Variants in CLCN3 observed in about 807,000 individuals in gnomAD.
CLCN3 encodes the protein Cl-/H+ antiporter 3.
CLCN3 carries 16 observed loss-of-function variants against 83.4 expected under a neutral mutation model. The ratio of observed to expected loss-of-function variants is 0.19; its 90% confidence interval spans 0.13 to 0.29. The LOEUF is 0.29. Ranked by LOEUF, CLCN3 falls within the 10% of genes least tolerant of loss-of-function variation. The pLI, the probability that CLCN3 is intolerant of heterozygous loss-of-function variation, is 1.00. For missense variants in CLCN3, 544 were observed against 1,006.0 expected, an observed-to-expected ratio of 0.54 and a Z score of 6.21; for synonymous variants, 322 against 346.2, an observed-to-expected ratio of 0.93 and a Z score of 0.78.
Position 169,620,934 on chromosome 4 carries a change from A to C in CLCN3, c.-146A>C, listed in dbSNP as rs140027938. ...CGTCAGGTATCTTTTAAATCGCGATAGTTTTCGCTGTGTCAGGCTTTCTTC... is the reference window on the plus strand; with the variant it reads ...CGTCAGGTATCTTTTAAATCGCGATCGTTTTCGCTGTGTCAGGCTTTCTTC... On this transcript the variant is annotated 5_prime_UTR_variant, in exon 1 of 13. An upstream open reading frame in the 5' UTR loses its in-frame stop. Transcript: ENST00000513761. 4.8e-5 allele frequency: 19 copies of C among 398,384 alleles called. No individual in the cohort carries two copies. The highest frequency in any genetic ancestry group is 4.6e-4 in the East Asian group (13 of 28,058). The allele number at this position is 398,384 out of a possible 1,614,324, so 24.7% of individuals were successfully genotyped here.
intron 2 of CLCN3, among the ~76,000 whole-genome samples, chr4:169,679,314 C>T (rs1220417785): frequency 6.6e-6 from 1 of 151,760 alleles, no homozygotes; most frequent in Non-Finnish European, 1.5e-5. Context: ...AGAGACGCTC[C>T]TCACTTCCTA....
chr4:169,659,450 A>G (rs1048944802), intron 2 of CLCN3, among the ~76,000 whole-genome samples: 4 of 152,208 alleles, frequency 2.6e-5, no homozygotes, highest in Non-Finnish European at 4.4e-5. Flanking sequence ...CAAAACCCTT[A>G]TGAGATAAAA....
At chr4:169,621,732 T>G (rs149850163) in intron 1 of CLCN3, among the ~76,000 whole-genome samples, 21 of 152,340 alleles carry the variant, frequency 1.4e-4, no homozygotes, top group African/African-American at 4.6e-4. Context: ...GCAGCATCAT[T>G]GTGGCTTGTA....
Position 169,707,282 on chromosome 4 carries a change from T to A in CLCN3, c.2149+16T>A, listed in dbSNP as rs551458852. The A allele has an allele frequency of 1.4e-4, 208 of 1,529,186 alleles. No individual in the cohort carries two copies. The Admixed American group carries it at 1.5e-3, about 11-fold the overall frequency. The allele number at this position is 1,529,186 out of a possible 1,614,324, so 94.7% of individuals were successfully genotyped here. On this transcript the variant is annotated intron_variant, in intron 11 of 12. Coordinates refer to ENST00000513761, the MANE Select transcript of CLCN3 (RefSeq NM_001829.4). ...ATTGCAATAGGTACCCTTTCAAAAATATATATATGTATATATGAGATGGAT... is the reference window on the plus strand; with the variant it reads ...ATTGCAATAGGTACCCTTTCAAAAAAATATATATGTATATATGAGATGGAT...
At chr4:169,672,330 G>C (rs1427247580) in intron 2 of CLCN3, among the ~76,000 whole-genome samples, 2 of 151,994 alleles carry the variant, frequency 1.3e-5, no homozygotes, top group East Asian at 3.9e-4. Flanking sequence ...AATGAAGTCG[G>C]GGATTCACCA....
Position 169,690,649 on chromosome 4 carries a change from A to G in CLCN3, c.726A>G (p.Pro242=). 2 of 1,611,434 alleles carry G rather than the reference A, an allele frequency of 1.2e-6. No homozygotes were observed. The highest frequency in any genetic ancestry group is 1.1e-5 in the South Asian group (1 of 90,528). ...FAPYACGSGI[P]EIKTILSGFI... is the part of the protein sequence containing the mutation. ...CATATGCCTGTGGCTCTGGAATTCC[A>G]GAGGTAAGCCAAGTAATATTTAGTG... The change falls in exon 6 of 13, where the codon CCA becomes CCG. Residue 242 remains proline, a synonymous_variant. Transcript: ENST00000513761.
intron 2 of CLCN3, among the ~76,000 whole-genome samples, chr4:169,672,935 T>C (rs1731533464): frequency 6.6e-6 from 1 of 152,184 alleles, no homozygotes; most frequent in Admixed American, 6.5e-5. Context: ...AGTGCTGGGA[T>C]TACAAGCGGG....
At chr4:169,632,410 A>G (rs567781915) in intron 1 of CLCN3, among the ~76,000 whole-genome samples, 1 of 152,150 alleles carries the variant, frequency 6.6e-6, no homozygotes, top group Non-Finnish European at 1.5e-5. Context: ...GTGAGACACC[A>G]TCTCACGCCA....
chr4:169,707,731 A>G (rs1733048753), intron 11 of CLCN3, among the ~76,000 whole-genome samples: 1 of 152,202 alleles, frequency 6.6e-6, no homozygotes, highest in African/African-American at 2.4e-5. Flanking sequence ...TTAGAATTAT[A>G]ATATTAATTT....
chr4:169,690,459 C>T, intron 5 of CLCN3, 71 bp from the exon 6 acceptor site: 2 of 1,506,460 alleles, frequency 1.3e-6, no homozygotes, highest in South Asian at 1.3e-5. Context: ...ACTGAAGTTT[C>T]TTATGACAAG....
chr4:169,707,813 A>C (rs1024447744), intron 11 of CLCN3, among the ~76,000 whole-genome samples: 8 of 152,178 alleles, frequency 5.3e-5, no homozygotes, highest in African/African-American at 1.9e-4. Context: ...AAAAAGTATA[A>C]CGTATCAGTC....
chr4:169,680,287 A>C, intron 3 of CLCN3, 80 bp downstream of exon 3: 1 of 969,314 alleles, frequency 1.0e-6, no homozygotes, highest in African/African-American at 1.7e-5. Context: ...CAATGATCTC[A>C]GGCTGCCAAA....
At chr4:169,655,289 G>T (rs1730848248) in intron 2 of CLCN3, among the ~76,000 whole-genome samples, 1 of 151,976 alleles carries the variant, frequency 6.6e-6, no homozygotes, top group South Asian at 2.1e-4. Context: ...CATTTAGTTT[G>T]GTTCCACTTA....
intron 2 of CLCN3, among the ~76,000 whole-genome samples, chr4:169,636,945 C>G (rs956106829): frequency 6.6e-6 from 1 of 151,508 alleles, no homozygotes; most frequent in African/African-American, 2.4e-5. Flanking sequence ...TTACCCTATT[C>G]AAAGATACTA....
chr4:169,700,738 C>A (rs1431839690), intron 9 of CLCN3, among the ~76,000 whole-genome samples: 1 of 152,114 alleles, frequency 6.6e-6, no homozygotes, highest in Non-Finnish European at 1.5e-5. Flanking sequence ...CATAATAAAG[C>A]AAGTCACATA....
At chr4:169,696,761 T>A (rs1732579371) in intron 8 of CLCN3, among the ~76,000 whole-genome samples, 1 of 151,922 alleles carries the variant, frequency 6.6e-6, no homozygotes, top group East Asian at 1.9e-4. Flanking sequence ...AATTTAACTC[T>A]TTTAGTTCAA....
At chr4:169,664,239 G>C (rs1224945274) in intron 2 of CLCN3, among the ~76,000 whole-genome samples, 2 of 152,106 alleles carry the variant, frequency 1.3e-5, no homozygotes, top group Non-Finnish European at 2.9e-5. Context: ...GTGTCGCTTT[G>C]CCATTGAAAT....
At position 169,622,813 on chromosome 4, in the gene CLCN3, C is replaced by T. The variant is rs112847554; in HGVS notation, c.-17+1750C>T. The stretch of plus-strand genomic sequence containing the variant: ...GCACCATAGTGTAGTTTAGAATAGT[C>T]AAAATGCTAGAGAAAAACAAGGAGG... On this transcript the variant is annotated intron_variant, in intron 1 of 12. Transcript: ENST00000513761. Among the ~76,000 whole-genome samples, 552 of 152,094 alleles carry T rather than the reference C, an allele frequency of 3.6e-3. 4 individuals carry two copies. The highest frequency in any genetic ancestry group is 0.013 in the African/African-American group (521 of 41,490).
intron 1 of CLCN3, among the ~76,000 whole-genome samples, chr4:169,635,565 A>G (rs1773480887): frequency 1.3e-5 from 2 of 152,276 alleles, no homozygotes; most frequent in Middle Eastern, 3.4e-3. Context: ...CTGTCTTTCA[A>G]ACCTTGTACT....
Sources: allele counts gnomAD v4.1 joint callset (sites outside exome capture counted in the v4.1 genomes callset), GRCh38; gene constraint gnomAD v4.1.1; transcripts MANE v1.5; gene names NCBI Gene and HGNC (gene_info 2026-07-23, HGNC 2026-07-21).